The following CAND2 variants were observed in gnomAD, a reference collection of about 807,000 sequenced individuals.
The protein encoded by CAND2 is cullin-associated NEDD8-dissociated protein 2.
CAND2 carries 62 observed loss-of-function variants against 98.9 expected under a neutral mutation model. That is an observed-to-expected ratio of 0.63 (90% CI 0.51 to 0.77). The LOEUF (loss-of-function observed/expected upper bound fraction) is 0.77, where lower values mean the gene tolerates loss of function less well. Among genes scored for constraint, CAND2 ranks in the 30% least tolerant of loss-of-function variants. The pLI is 0.00. For synonymous variants in CAND2, 770 were observed against 731.9 expected (o/e 1.05, Z -0.84); for missense variants, 1,501 against 1,655.2 (o/e 0.91, Z 1.62).
intron 5 of CAND2, 55 bp from the exon 6 acceptor site, chr3:12,812,935 G>A: frequency 8.9e-7 from 1 of 1,118,396 alleles, no homozygotes; most frequent in Non-Finnish European, 1.3e-6. Context: ...CTGTGGGCTG[G>A]GGGAACTCCG....
intron 1 of CAND2, among the ~76,000 whole-genome samples, chr3:12,801,034 ATTTTTT>A (rs372893921): frequency 3.0e-5 from 3 of 100,750 alleles, no homozygotes; most frequent in Admixed American, 1.1e-4. Flanking sequence ...GGAAATCAGT[ATTTTTT>A]TTTTTTTTTT....
intron 11 of CAND2, among the ~76,000 whole-genome samples, chr3:12,823,570 T>C (rs2124866256): frequency 6.6e-6 from 1 of 152,064 alleles, no homozygotes; most frequent in African/African-American, 2.4e-5. Context: ...CTACTAAAAA[T>C]ATAAAAAAAT....
intron 5 of CAND2, among the ~76,000 whole-genome samples, chr3:12,812,756 CTTG>C (rs746596015): frequency 2.0e-5 from 3 of 152,156 alleles, no homozygotes; most frequent in African/African-American, 7.2e-5. Flanking sequence ...CACTGTTATC[CTTG>C]TTGTGAAGAT....
At chr3:12,797,895 C>T (rs1157891938) in intron 1 of CAND2, among the ~76,000 whole-genome samples, 2 of 152,084 alleles carry the variant, frequency 1.3e-5, no homozygotes, top group African/African-American at 4.8e-5. Flanking sequence ...CTCTGGTGGT[C>T]TGACTCCTAC....
At position 12,815,367 on chromosome 3, in the gene CAND2, G is replaced by A. The variant is rs1358980850; in HGVS notation, c.1233G>A (p.Lys411=). The part of the protein sequence containing the change: ...IVLLRQTQPP[K]GWLEAMEEPT... ...TGCTGCGGCAAACACAGCCCCCGAA[G>A]GGATGGCTGGAGGCCATGGAGGAAC... Residue 411 remains lysine, a synonymous_variant, in exon 8 of 15, where the codon AAG becomes AAA. Transcript: ENST00000456430. The surrounding 1 kb of genome is among the most constrained non-coding windows in gnomAD (Gnocchi z 5.7). 7 of 1,613,812 alleles carry A rather than the reference G, an allele frequency of 4.3e-6. No individual in the cohort carries two copies. The Admixed American group carries it at 8.3e-5, about 19-fold the overall frequency.
chr3:12,827,657 G>A (rs965972234), intron 13 of CAND2, 53 bp downstream of exon 13: 15 of 1,501,686 alleles, frequency 1.0e-5, no homozygotes, highest in African/African-American at 4.1e-5. Context: ...AGGGATAGTC[G>A]GGCACCATTG....
chr3:12,810,358 T>C lies in CAND2; in HGVS notation c.757+34T>C, dbSNP rs565211005. ...GCAGGGGGCGGGGCCTGGGCTGGCA[T>C]GGTGGGCGGAGCTTAGGGTGAGCCA... On this transcript the variant is annotated intron_variant, in intron 5 of 14. Coordinates refer to ENST00000456430, the MANE Select transcript of CAND2 (RefSeq NM_001162499.2). 7.1e-6 allele frequency: 10 copies of C among 1,400,960 alleles called. No homozygotes were observed. The African/African-American group carries it at 9.0e-5, about 13-fold the overall frequency. 86.8% of individuals were successfully genotyped at this position (1,400,960 alleles called of 1,614,324 possible).
chr3:12,797,882 C>T (rs963406176), intron 1 of CAND2, among the ~76,000 whole-genome samples: 1 of 152,088 alleles, frequency 6.6e-6, no homozygotes, highest in Non-Finnish European at 1.5e-5. Context: ...GGAGACAGAC[C>T]TGCTCTGGTG....
chr3:12,829,525 AAG>A (rs1272143280), intron 13 of CAND2, among the ~76,000 whole-genome samples: 3 of 152,210 alleles, frequency 2.0e-5, no homozygotes, highest in African/African-American at 7.2e-5. Flanking sequence ...AAGTAATCAA[AAG>A]TAACCCATAC....
In CAND2 at chr3:12,828,072, C is replaced by T. The variant is rs1267403676; in HGVS notation, c.3375+468C>T. Among the ~76,000 whole-genome samples, 6 of 152,190 alleles carry T rather than the reference C, an allele frequency of 3.9e-5. No homozygotes were observed. In the South Asian group the frequency reaches 8.3e-4, roughly 21 times the overall value. On this transcript the variant is annotated intron_variant, in intron 13 of 14. Transcript: ENST00000456430. ...ACTAGCAGCATTGAGGAGCGAGCTGCATCTCTTCGTGTTGTGACCTGAAAG... is the reference window on the plus strand; with the variant it reads ...ACTAGCAGCATTGAGGAGCGAGCTGTATCTCTTCGTGTTGTGACCTGAAAG...
At chr3:12,804,234 A>C (rs1339814097) in intron 2 of CAND2, among the ~76,000 whole-genome samples, 1 of 152,038 alleles carries the variant, frequency 6.6e-6, no homozygotes, top group Non-Finnish European at 1.5e-5. Flanking sequence ...CAGGTGGATC[A>C]CCTGAGGTCA....
intron 14 of CAND2, among the ~76,000 whole-genome samples, chr3:12,833,106 C>T (rs1356557761): frequency 6.6e-6 from 1 of 152,184 alleles, no homozygotes; most frequent in Non-Finnish European, 1.5e-5. Flanking sequence ...ACTCCAATGC[C>T]AAGCTGTTAC....
chr3:12,807,298 C>T lies in CAND2; in HGVS notation c.213-8C>T, dbSNP rs571921910. The T allele has an allele frequency of 1.3e-6, 2 of 1,550,678 alleles. No homozygotes were observed. Among genetic ancestry groups the T allele is most frequent in the African/African-American group, 2.7e-5 (2 of 73,142 alleles). On this transcript the variant is annotated splice_region_variant and splice_polypyrimidine_tract_variant and intron_variant, in intron 2 of 14. Transcript: ENST00000456430. ...GCCCTTGGATTCACCTTCCCACTCC[C>T]TGCTCAGCCTGGGTCCTCTGGTGGT...
At chr3:12,812,415 T>A (rs2061860411) in intron 5 of CAND2, among the ~76,000 whole-genome samples, 1 of 123,402 alleles carries the variant, frequency 8.1e-6, no homozygotes. Context: ...TTTTTTTTTT[T>A]GAGACGGAGT....
chr3:12,820,208 C>A, intron 11 of CAND2, 27 bp downstream of exon 11: 1 of 1,557,272 alleles, frequency 6.4e-7, no homozygotes, highest in Non-Finnish European at 8.9e-7. Flanking sequence ...TGCCCCTCCA[C>A]CTTGTTCAGT....
At position 12,831,637 on chromosome 3, in the gene CAND2, C is replaced by T. The variant is rs886394911; in HGVS notation, c.3483+65C>T. 162 of 954,312 alleles carry T rather than the reference C, an allele frequency of 1.7e-4. No individual in the cohort carries two copies. The African/African-American group carries it at 1.9e-3, about 11-fold the overall frequency. 59.1% of individuals were successfully genotyped at this position (954,312 alleles called of 1,614,324 possible). A position where few individuals can be genotyped will look rare whatever the true frequency, so the allele number is the denominator to read the frequency against. The stretch of plus-strand genomic sequence containing the variant: ...CCTATGGAGTCCTCGGCCAGTCGTT[C>T]AGTTACCCTTACTGAGCACTTCCTG... On this transcript the variant is annotated intron_variant, in intron 14 of 14. Transcript: ENST00000456430.
rs190013259 is a variant in CAND2 at position 12,810,694 on chromosome 3, A to G, written c.757+370A>G. On this transcript the variant is annotated intron_variant, in intron 5 of 14. Coordinates refer to ENST00000456430, the MANE Select transcript of CAND2 (RefSeq NM_001162499.2). ...GGTAATTACAATTTTAAGTCATGCCACTAAACTGTTAGACTATGTTCTCTT... is the reference window on the plus strand; with the variant it reads ...GGTAATTACAATTTTAAGTCATGCCGCTAAACTGTTAGACTATGTTCTCTT... Among the ~76,000 whole-genome samples, 147 of 152,384 alleles carry G rather than the reference A, an allele frequency of 9.6e-4. 1 individual carries two copies. The highest frequency in any genetic ancestry group is 3.3e-3 in the African/African-American group (139 of 41,596).
In CAND2 at chr3:12,816,579, G is replaced by A; in HGVS notation, c.1647G>A (p.Val549=). The change falls in exon 10 of 15, where the codon GTG becomes GTA. Residue 549 remains valine (V), a synonymous_variant. Coordinates refer to ENST00000456430, the MANE Select transcript of CAND2 (RefSeq NM_001162499.2). ...CCCTGGTGGTGCTGCAGGAGCTGGTGCGGGCCCTGTGGCCGCTGCACAGGC... is the reference window on the plus strand; with the variant it reads ...CCCTGGTGGTGCTGCAGGAGCTGGTACGGGCCCTGTGGCCGCTGCACAGGC... ...AEALVVLQEL[V]RALWPLHRPR... 1 of 1,613,922 alleles carries A rather than the reference G, an allele frequency of 6.2e-7. No homozygotes were observed. Among genetic ancestry groups the A allele is most frequent in the Non-Finnish European group, 8.5e-7 (1 of 1,180,034 alleles).
intron 2 of CAND2, among the ~76,000 whole-genome samples, chr3:12,804,561 G>A (rs368490646): frequency 1.3e-5 from 2 of 152,154 alleles, no homozygotes; most frequent in Non-Finnish European, 2.9e-5. Context: ...ATCCTGAGAC[G>A]TTGGCCAGTT....
Sources: allele counts gnomAD v4.1 joint callset (sites outside exome capture counted in the v4.1 genomes callset), GRCh38; gene constraint gnomAD v4.1.1; non-coding constraint Gnocchi (gnomAD v3.1); transcripts MANE v1.5; gene names NCBI Gene and HGNC (gene_info 2026-07-23, HGNC 2026-07-21).